The following NT5DC3 variants were observed in gnomAD, a reference collection of about 807,000 sequenced individuals.
The protein encoded by NT5DC3 is 5'-nucleotidase domain-containing protein 3.
NT5DC3 carries 42 observed loss-of-function variants against 67.8 expected under a neutral mutation model. The observed-to-expected ratio is 0.62, with a 90% CI of 0.48 to 0.80. The LOEUF is 0.80. Among genes scored for constraint, NT5DC3 ranks in the 30% least tolerant of loss-of-function variants. The probability of loss-of-function intolerance (pLI) is 0.00; values close to 1 mark genes in which losing one functional copy is unlikely to be tolerated. For missense variants in NT5DC3, 570 were observed against 696.4 expected, an observed-to-expected ratio of 0.82 and a Z score of 2.04; for synonymous variants, 237 against 255.6, an observed-to-expected ratio of 0.93 and a Z score of 0.69.
the NT5DC3 span, among the ~76,000 whole-genome samples, chr12:103,752,202 A>G: frequency 6.6e-6 from 1 of 152,250 alleles, no homozygotes; most frequent in South Asian, 2.1e-4. Flanking sequence ...TATATCTAAT[A>G]GTAAATGATG....
chr12:103,839,485 G>A (rs1434474469), intron 1 of NT5DC3, among the ~76,000 whole-genome samples: 1 of 152,096 alleles, frequency 6.6e-6, no homozygotes, highest in Non-Finnish European at 1.5e-5. Context: ...CAAGAGATCT[G>A]CCTGCTTCAA....
chr12:103,771,870 T>A (rs77838256), downstream of NT5DC3, among the ~76,000 whole-genome samples: 1,826 of 152,220 alleles, frequency 0.012, 43 homozygotes, highest in African/African-American at 0.041. Flanking sequence ...TCCTCTTAGA[T>A]GACATGCCAA....
the NT5DC3 span, among the ~76,000 whole-genome samples, chr12:103,757,032 A>T: frequency 3.0e-5 from 4 of 132,994 alleles, no homozygotes; most frequent in South Asian, 2.3e-4. Context: ...TATATATATA[A>T]AATATATATA....
chr12:103,837,632 A>C (rs536680553), intron 1 of NT5DC3, among the ~76,000 whole-genome samples: 4 of 152,356 alleles, frequency 2.6e-5, no homozygotes, highest in Admixed American at 2.6e-4. Flanking sequence ...TCTCTAGGGC[A>C]GGGGCAAAAT....
At chr12:103,760,375 C>G in the NT5DC3 span, among the ~76,000 whole-genome samples, 1 of 152,318 alleles carries the variant, frequency 6.6e-6, no homozygotes, top group Admixed American at 6.5e-5. Context: ...ATCCTCCTGC[C>G]TCAGCCTCCC....
downstream of NT5DC3, among the ~76,000 whole-genome samples, chr12:103,765,555 T>C (rs1192339555): frequency 5.3e-5 from 8 of 152,236 alleles, no homozygotes; most frequent in African/African-American, 1.9e-4. Context: ...AGGCTTGGCA[T>C]GGCCACCTCT....
intron 13 of NT5DC3, among the ~76,000 whole-genome samples, chr12:103,780,053 G>A (rs937804491): frequency 8.5e-5 from 13 of 152,330 alleles, no homozygotes; most frequent in South Asian, 2.1e-4. Flanking sequence ...GGAAGGCTCC[G>A]TTCTCCAAAG....
At chr12:103,750,570 C>A in the NT5DC3 span, 1 of 1,613,578 alleles carries the variant, frequency 6.2e-7, no homozygotes, top group Non-Finnish European at 8.5e-7. Flanking sequence ...TCCCACTCTC[C>A]CTCCACAGGG....
intron 5 of NT5DC3, among the ~76,000 whole-genome samples, chr12:103,797,671 A>C (rs921675974): frequency 2.0e-5 from 3 of 152,134 alleles, no homozygotes; most frequent in African/African-American, 7.2e-5. Flanking sequence ...GAAAGCCAGC[A>C]AACAAATTAT....
chr12:103,804,922 A>G (rs1176996749), intron 4 of NT5DC3, among the ~76,000 whole-genome samples: 1 of 152,190 alleles, frequency 6.6e-6, no homozygotes, highest in Non-Finnish European at 1.5e-5. Context: ...GTGGCGGCAC[A>G]TGCCTGTAAT....
At chr12:103,810,190 G>C (rs779382510) in intron 2 of NT5DC3, among the ~76,000 whole-genome samples, 1 of 152,106 alleles carries the variant, frequency 6.6e-6, no homozygotes, top group Non-Finnish European at 1.5e-5. Context: ...CTTCTCCAAG[G>C]CCTCTTCTAG....
chr12:103,777,972 C>T lies in NT5DC3; in HGVS notation c.1504G>A (p.Ala502Thr), dbSNP rs747708087. Residue 502 changes from alanine (A) to threonine (T), a missense_variant, in exon 14 of 14, where the codon GCG becomes ACG. Coordinates refer to ENST00000392876, the MANE Select transcript of NT5DC3 (RefSeq NM_001031701.3). ...RLSRFADIYM[A>T]SLSCLLNYDV... ...TAGTTCAGGAGGCAGCTCAGAGACGCCATGTAGATGTCAGCGAAGCGCGAC... is the reference window on the plus strand; with the variant it reads ...TAGTTCAGGAGGCAGCTCAGAGACGTCATGTAGATGTCAGCGAAGCGCGAC... 3.1e-6 allele frequency: 5 copies of T among 1,614,032 alleles called. No homozygotes were observed. The highest frequency in any genetic ancestry group is 3.3e-5 in the Admixed American group (2 of 59,998).
chr12:103,836,374 G>A (rs192543628), intron 1 of NT5DC3, among the ~76,000 whole-genome samples: 218 of 152,234 alleles, frequency 1.4e-3, no homozygotes, highest in Admixed American at 2.3e-3. Context: ...ATACAATGGC[G>A]GTACGGGTAT....
downstream of NT5DC3, among the ~76,000 whole-genome samples, chr12:103,770,190 G>A (rs1885149667): frequency 6.6e-6 from 1 of 152,158 alleles, no homozygotes; most frequent in Non-Finnish European, 1.5e-5. Context: ...GCATCTTTAA[G>A]GAAGTATGCT....
At chr12:103,831,391 C>G (rs565342658) in intron 1 of NT5DC3, among the ~76,000 whole-genome samples, 87 of 152,222 alleles carry the variant, frequency 5.7e-4, no homozygotes, top group African/African-American at 2.1e-3. Flanking sequence ...ACCCAGTCTC[C>G]GGTATTTCTT....
chr12:103,812,383 ATATAAT>A (rs1242998637), intron 2 of NT5DC3, among the ~76,000 whole-genome samples: 1 of 152,234 alleles, frequency 6.6e-6, no homozygotes, highest in East Asian at 1.9e-4. Context: ...AATATGCCTG[ATATAAT>A]TAGTATTATA....
At position 103,839,504 on chromosome 12, in the gene NT5DC3, A is replaced by G. The variant is rs1265203423; in HGVS notation, c.208+1445T>C. 3.9e-5 allele frequency among the ~76,000 whole-genome samples: 6 copies of G among 152,280 alleles called. No homozygotes were observed. In the South Asian group the frequency reaches 8.3e-4, roughly 21 times the overall value. Reference sequence around the variant, plus strand: ...AGATCTGCCTGCTTCAACCTCCCAAAGTGCTGGGATTACAGGCGTGAGCTC... The same window carrying G: ...AGATCTGCCTGCTTCAACCTCCCAAGGTGCTGGGATTACAGGCGTGAGCTC... On this transcript the variant is annotated intron_variant, in intron 1 of 13. Coordinates refer to ENST00000392876, the MANE Select transcript of NT5DC3 (RefSeq NM_001031701.3).
At chr12:103,767,351 G>C (rs1193415290), downstream of NT5DC3, among the ~76,000 whole-genome samples, 1 of 152,178 alleles carries the variant, frequency 6.6e-6, no homozygotes, top group Non-Finnish European at 1.5e-5. Context: ...ATATGAAATG[G>C]CTAAAATAGG....
the NT5DC3 span, chr12:103,755,792 C>A: frequency 7.0e-7 from 1 of 1,422,918 alleles, no homozygotes; most frequent in South Asian, 1.2e-5. Context: ...AGGGGTGAGG[C>A]CTTAAGCTGA....
Sources: gnomAD v4.1 joint callset for allele counts (sites outside exome capture counted in the v4.1 genomes callset) on GRCh38, gnomAD v4.1.1 for gene constraint, MANE v1.5 for transcripts, NCBI Gene and HGNC (gene_info 2026-07-23, HGNC 2026-07-21) for gene names.